FYB2: variants seen among roughly 807,000 people sequenced by gnomAD.
FYB2 encodes the protein FYN binding protein 2, also known as FYN-binding protein 2.
In FYB2, 103 loss-of-function variants were observed where a neutral mutation model predicts 94.1. The ratio of observed to expected loss-of-function variants is 1.09; its 90% confidence interval spans 0.93 to 1.29. FYB2 has a LOEUF of 1.29. Ranked by LOEUF, FYB2 falls within the 50% of genes most tolerant of loss-of-function variation. The pLI is 0.00. For missense variants in FYB2, 896 were observed against 841.5 expected, an observed-to-expected ratio of 1.06 and a Z score of -0.80; for synonymous variants, 293 against 287.9, an observed-to-expected ratio of 1.02 and a Z score of -0.18.
rs111449334 is a variant in FYB2 at position 56,750,054 on chromosome 1, C to T, written c.1387+990G>A. ...TTAAATTGGGTTTCTCCTGTGTGCT[C>T]GATACTTAGCCAGGTTACAGAGATA... On this transcript the variant is annotated intron_variant, in intron 9 of 19. Transcript: ENST00000343433. Among the ~76,000 whole-genome samples, 276 of 151,872 alleles carry T rather than the reference C, an allele frequency of 1.8e-3. 2 individuals carry two copies. Among genetic ancestry groups the T allele is most frequent in the African/African-American group, 6.3e-3 (259 of 41,432 alleles).
intron 4 of FYB2, among the ~76,000 whole-genome samples, chr1:56,769,304 G>A (rs1179080816): frequency 6.6e-6 from 1 of 152,014 alleles, no homozygotes; most frequent in Non-Finnish European, 1.5e-5. Context: ...CCTCCCAAAA[G>A]TACTAAGATT....
chr1:56,739,266 CT>C (rs1410054822), intron 13 of FYB2, among the ~76,000 whole-genome samples: 1 of 152,074 alleles, frequency 6.6e-6, no homozygotes, highest in Non-Finnish European at 1.5e-5. Flanking sequence ...TATTATGGGA[CT>C]GCCGGTTATC....
chr1:56,770,701 C>T (rs1488883142), intron 4 of FYB2, among the ~76,000 whole-genome samples: 2 of 152,050 alleles, frequency 1.3e-5, no homozygotes, highest in Non-Finnish European at 2.9e-5. Context: ...GAGATAAACG[C>T]TCTTCACTAG....
At chr1:56,757,690 CTT>C (rs1557616908) in intron 6 of FYB2, among the ~76,000 whole-genome samples, 2 of 53,854 alleles carry the variant, frequency 3.7e-5, no homozygotes, top group Non-Finnish European at 7.2e-5. Flanking sequence ...TTCCTTCCTT[CTT>C]TCTTTCTTTC....
At chr1:56,726,359 G>T in intron 16 of FYB2, 138 bp downstream of exon 16, 1 of 690,398 alleles carries the variant, frequency 1.4e-6, no homozygotes, top group Non-Finnish European at 2.4e-6. Flanking sequence ...ACTGTACCAT[G>T]ATGTAGGTGT....
chr1:56,756,058 C>T, intron 6 of FYB2, 131 bp from the exon 7 acceptor site: 1 of 716,840 alleles, frequency 1.4e-6, no homozygotes, highest in Non-Finnish European at 2.3e-6. Flanking sequence ...CAAAGGCAGA[C>T]ACTGACCACA....
intron 15 of FYB2, among the ~76,000 whole-genome samples, chr1:56,727,364 C>T (rs892231544): frequency 2.0e-5 from 3 of 151,928 alleles, no homozygotes; most frequent in Non-Finnish European, 2.9e-5. Context: ...AGAAAAATTC[C>T]TGCACACATT....
chr1:56,740,709 T>A lies in FYB2; in HGVS notation c.1691A>T (p.Lys564Ile), dbSNP rs2100605224. ...AGGGACTTTTTACCTTAAGTTTTCT[T>A]TCGACTTGGTTTTCTTTATTTTAAA... ...DRFKIKKTKS[K>I]ENLSAFSILL... Residue 564 changes from lysine (K) to isoleucine (I), a missense_variant, in exon 13 of 20, where the codon AAA becomes ATA. By Grantham distance (102) the Lys-to-Ile change is moderately radical (BLOSUM62 -3). Coordinates refer to ENST00000343433, the MANE Select transcript of FYB2 (RefSeq NM_001004303.5). The A allele has an allele frequency of 1.3e-6, 2 of 1,596,628 alleles. No homozygotes were observed. Among genetic ancestry groups the A allele is most frequent in the East Asian group, 2.2e-5 (1 of 44,576 alleles).
At chr1:56,765,466 G>A (rs1194209314) in intron 5 of FYB2, among the ~76,000 whole-genome samples, 1 of 152,220 alleles carries the variant, frequency 6.6e-6, no homozygotes, top group Non-Finnish European at 1.5e-5. Flanking sequence ...GGAGTTGGGT[G>A]CATCATTGCA....
intron 15 of FYB2, among the ~76,000 whole-genome samples, 196 bp from the exon 16 acceptor site, chr1:56,726,779 A>G (rs1156326899): frequency 2.0e-5 from 3 of 152,074 alleles, no homozygotes; most frequent in African/African-American, 7.2e-5. Flanking sequence ...GCAGCTCTTC[A>G]ACTCTACTGT....
intron 6 of FYB2, 45 bp from the exon 7 acceptor site, chr1:56,755,972 A>C (rs1440564037): frequency 6.4e-7 from 1 of 1,567,872 alleles, no homozygotes; most frequent in Non-Finnish European, 8.8e-7. Flanking sequence ...ATCAACCTGA[A>C]TCAGGCTCTG....
intron 4 of FYB2, among the ~76,000 whole-genome samples, chr1:56,774,613 C>T (rs775026581): frequency 1.5e-4 from 23 of 152,122 alleles, no homozygotes; most frequent in South Asian, 8.3e-4. Context: ...CATGTATACA[C>T]GCATACACAC....
chr1:56,719,678 G>A lies in FYB2; in HGVS notation c.2180C>T (p.Ser727Leu). The A allele has an allele frequency of 6.2e-7, 1 of 1,601,074 alleles. No homozygotes were observed. The highest frequency in any genetic ancestry group is 8.5e-7 in the Non-Finnish European group (1 of 1,169,818). ...EHLDFKHQSW[S>L]P ...CATTTGATCTTGATTTTTCTAAGGT[G>A]ACCAACTTTGATGCCTGTGAAAAAA... Residue 727 changes from serine (S) to leucine (L), a missense_variant, in exon 20 of 20, where the codon TCA becomes TTA. Transcript: ENST00000343433.
rs761872797 is a variant in FYB2, at chr1:56,792,101, G to A, written c.712C>T (p.Pro238Ser). Residue 238 changes from proline (P) to serine (S), a missense_variant, in exon 2 of 20, where the codon CCC becomes TCC. Transcript: ENST00000343433. ...TCACACTCATAGATGGGCTGGCAGGGGCTGCTTGCCGGGCTCCTCTCAGGA... is the reference window on the plus strand; with the variant it reads ...TCACACTCATAGATGGGCTGGCAGGAGCTGCTTGCCGGGCTCCTCTCAGGA... ...PPPERSPASS[P>S]CQPIYECELA... is the part of the protein sequence containing the mutation. 6 of 1,609,696 alleles carry A rather than the reference G, an allele frequency of 3.7e-6. No individual in the cohort carries two copies. Among genetic ancestry groups the A allele is most frequent in the Non-Finnish European group, 5.1e-6 (6 of 1,178,504 alleles).
chr1:56,762,845 A>G (rs1220939359), intron 5 of FYB2, among the ~76,000 whole-genome samples: 1 of 152,196 alleles, frequency 6.6e-6, no homozygotes, highest in Non-Finnish European at 1.5e-5. Flanking sequence ...TCAGTGTTTC[A>G]CCATTAAGTA....
Position 56,744,365 on chromosome 1 carries a change from C to A in FYB2, c.1388-99G>T. 3 of 867,252 alleles carry A rather than the reference C, an allele frequency of 3.5e-6. No homozygotes were observed. The South Asian group carries it at 4.4e-5, about 13-fold the overall frequency. 53.7% of individuals were successfully genotyped at this position (867,252 alleles called of 1,614,324 possible). ...CAGTGGAGGCAAGCATAAGAAAAGG[C>A]AGATTAAATGGGCTAAAATTGGATT... On this transcript the variant is annotated intron_variant, in intron 9 of 19. Coordinates refer to ENST00000343433, the MANE Select transcript of FYB2 (RefSeq NM_001004303.5).
intron 1 of FYB2, among the ~76,000 whole-genome samples, chr1:56,813,537 G>A (rs573823325): frequency 2.6e-5 from 4 of 152,264 alleles, no homozygotes; most frequent in African/African-American, 9.6e-5. Flanking sequence ...AGTTCAAGAT[G>A]AAATTTGGGT....
chr1:56,781,113 A>G (rs1439585557), intron 4 of FYB2, among the ~76,000 whole-genome samples: 1 of 152,220 alleles, frequency 6.6e-6, no homozygotes, highest in Non-Finnish European at 1.5e-5. Flanking sequence ...AGAGCACTGT[A>G]GTTGCAAACA....
intron 1 of FYB2, among the ~76,000 whole-genome samples, chr1:56,814,598 C>T (rs1252326751): frequency 6.6e-6 from 1 of 152,068 alleles, no homozygotes; most frequent in African/African-American, 2.4e-5. Flanking sequence ...AGGATGTGCC[C>T]AGTCTTTTGG....
Sources: gnomAD v4.1 joint callset for allele counts (sites outside exome capture counted in the v4.1 genomes callset) on GRCh38, gnomAD v4.1.1 for gene constraint, MANE v1.5 for transcripts, NCBI Gene and HGNC (gene_info 2026-07-23, HGNC 2026-07-21) for gene names.